Variants in ZSWIM6 observed in about 807,000 individuals in gnomAD.
ZSWIM6 encodes zinc finger SWIM-type containing 6.
ZSWIM6 carries 9 observed loss-of-function variants against 113.2 expected under a neutral mutation model. That is an observed-to-expected ratio of 0.08 (90% CI 0.05 to 0.14). The LOEUF (loss-of-function observed/expected upper bound fraction) is 0.14, where lower values mean the gene tolerates loss of function less well. Ranked by LOEUF, ZSWIM6 falls within the 10% of genes least tolerant of loss-of-function variation. The probability of loss-of-function intolerance (pLI) is 1.00; values close to 1 mark genes in which losing one functional copy is unlikely to be tolerated. For synonymous variants in ZSWIM6, 611 were observed against 606.5 expected (o/e 1.01, Z -0.11); for missense variants, 1,162 against 1,552.2 (o/e 0.75, Z 4.22).
At chr5:61,502,800 C>T (rs1262861328) in intron 4 of ZSWIM6, among the ~76,000 whole-genome samples, 2 of 152,134 alleles carry the variant, frequency 1.3e-5, no homozygotes, top group East Asian at 3.9e-4. Flanking sequence ...TTGTGAGCTG[C>T]ACACATGAGG....
At chr5:61,497,953 A>G (rs1207881783) in intron 4 of ZSWIM6, among the ~76,000 whole-genome samples, 2 of 152,068 alleles carry the variant, frequency 1.3e-5, no homozygotes, top group Non-Finnish European at 2.9e-5. Flanking sequence ...GAGCACACCT[A>G]TTGTTAGCTG....
chr5:61,365,896 A>T (rs1745139135), intron 1 of ZSWIM6, among the ~76,000 whole-genome samples: 1 of 152,076 alleles, frequency 6.6e-6, no homozygotes, highest in Middle Eastern at 3.2e-3. Context: ...AAGCACCTTA[A>T]ACCTCCAAAT....
intron 1 of ZSWIM6, among the ~76,000 whole-genome samples, chr5:61,390,223 T>C (rs1745676824): frequency 6.6e-6 from 1 of 152,238 alleles, no homozygotes; most frequent in Non-Finnish European, 1.5e-5. Context: ...TATTTGTTTT[T>C]TAAAGTTCAT....
rs191988511 is a variant in ZSWIM6, at chr5:61,443,380, C to T, written c.677-29301C>T. ...CACATTCAATTCTGGAATACATACT[C>T]ATAACACACCTATATAAATATAACC... On this transcript the variant is annotated intron_variant, in intron 1 of 13. Coordinates refer to ENST00000252744, the MANE Select transcript of ZSWIM6 (RefSeq NM_020928.2). 3.7e-4 allele frequency among the ~76,000 whole-genome samples: 57 copies of T among 152,294 alleles called. 1 individual carries two copies. Among genetic ancestry groups the T allele is most frequent in the Non-Finnish European group, 5.6e-4 (38 of 68,022 alleles).
chr5:61,439,165 C>G (rs1746772956), intron 1 of ZSWIM6, among the ~76,000 whole-genome samples: 1 of 152,092 alleles, frequency 6.6e-6, no homozygotes, highest in Non-Finnish European at 1.5e-5. Flanking sequence ...TAAAACTAAC[C>G]TTTGGCTATA....
At chr5:61,415,950 A>G (rs1337634282) in intron 1 of ZSWIM6, among the ~76,000 whole-genome samples, 2 of 152,260 alleles carry the variant, frequency 1.3e-5, no homozygotes, top group East Asian at 1.9e-4. Context: ...GTTATTCAAG[A>G]TAAGTTTATC....
intron 5 of ZSWIM6, 118 bp from the exon 6 acceptor site, chr5:61,525,682 G>C: frequency 1.7e-6 from 2 of 1,182,440 alleles, no homozygotes; most frequent in South Asian, 3.0e-5. Context: ...TTCTGCTTAG[G>C]GGGTGCAGGA....
chr5:61,480,176 T>C (rs1296727928), intron 2 of ZSWIM6, among the ~76,000 whole-genome samples: 2 of 152,216 alleles, frequency 1.3e-5, no homozygotes, highest in African/African-American at 2.4e-5. Flanking sequence ...AATGTACAAA[T>C]ACTTTATTGC....
intron 1 of ZSWIM6, among the ~76,000 whole-genome samples, chr5:61,335,669 C>G (rs772848043): frequency 6.6e-6 from 1 of 152,166 alleles, no homozygotes; most frequent in Non-Finnish European, 1.5e-5. Context: ...TACAAGTGTA[C>G]AGAAAGTATT....
At chr5:61,411,655 CA>C (rs1446557663) in intron 1 of ZSWIM6, among the ~76,000 whole-genome samples, 1 of 152,174 alleles carries the variant, frequency 6.6e-6, no homozygotes, top group African/African-American at 2.4e-5. Context: ...CTAAGAAGTC[CA>C]AGATCAAGGT....
At chr5:61,373,983 A>C (rs1745318457) in intron 1 of ZSWIM6, among the ~76,000 whole-genome samples, 1 of 152,200 alleles carries the variant, frequency 6.6e-6, no homozygotes, top group Non-Finnish European at 1.5e-5. Context: ...ATGAACTGTA[A>C]AACATTAATG....
At chr5:61,529,345 G>A (rs1749370970) in intron 7 of ZSWIM6, among the ~76,000 whole-genome samples, 2 of 152,214 alleles carry the variant, frequency 1.3e-5, no homozygotes, top group African/African-American at 2.4e-5. Context: ...TAACTTGAAA[G>A]CATTATATTC....
chr5:61,436,645 A>G (rs535602171), intron 1 of ZSWIM6, among the ~76,000 whole-genome samples: 8 of 152,356 alleles, frequency 5.3e-5, no homozygotes, highest in African/African-American at 1.9e-4. Context: ...ATTACTAAAT[A>G]TTAGGCAATG....
At chr5:61,515,077 C>T (rs775845402) in intron 4 of ZSWIM6, among the ~76,000 whole-genome samples, 3 of 152,102 alleles carry the variant, frequency 2.0e-5, no homozygotes, top group Non-Finnish European at 4.4e-5. Flanking sequence ...CTTGAGTGAG[C>T]TCTGGTAGTT....
In ZSWIM6 at chr5:61,452,355, T is replaced by C. The variant is rs533140181; in HGVS notation, c.677-20326T>C. Among the ~76,000 whole-genome samples, 32 of 152,344 alleles carry C rather than the reference T, an allele frequency of 2.1e-4. 1 individual carries two copies. The South Asian group carries it at 6.2e-3, about 30-fold the overall frequency. On this transcript the variant is annotated intron_variant, in intron 1 of 13. Coordinates refer to ENST00000252744, the MANE Select transcript of ZSWIM6 (RefSeq NM_020928.2). The stretch of plus-strand genomic sequence containing the variant: ...GGTGGATATTTGGGTTACCAGCTTT[T>C]TATTACAAAAATGTTATGAACATTA...
intron 1 of ZSWIM6, among the ~76,000 whole-genome samples, chr5:61,390,150 A>G (rs904103142): frequency 6.6e-6 from 1 of 152,170 alleles, no homozygotes; most frequent in Non-Finnish European, 1.5e-5. Context: ...ACACCTTCGC[A>G]AAAGTATTCA....
At chr5:61,496,236 C>T (rs1748311603) in intron 4 of ZSWIM6, among the ~76,000 whole-genome samples, 1 of 152,084 alleles carries the variant, frequency 6.6e-6, no homozygotes, top group Non-Finnish European at 1.5e-5. Flanking sequence ...CACAACTTCT[C>T]GTCCTGTGTG....
At chr5:61,391,552 G>T in intron 1 of ZSWIM6, 2 of 980,208 alleles carry the variant, frequency 2.0e-6, no homozygotes, top group Non-Finnish European at 3.3e-6. Context: ...GATGTGCTCA[G>T]CGAAGACAGT....
intron 2 of ZSWIM6, among the ~76,000 whole-genome samples, chr5:61,479,105 A>G (rs866558909): frequency 6.6e-6 from 1 of 152,010 alleles, no homozygotes; most frequent in Non-Finnish European, 1.5e-5. Context: ...TGGGAGGCGG[A>G]GACTGCAGTG....
Sources: gnomAD v4.1 joint callset for allele counts (sites outside exome capture counted in the v4.1 genomes callset) on GRCh38, gnomAD v4.1.1 for gene constraint, MANE v1.5 for transcripts, NCBI Gene and HGNC (gene_info 2026-07-23, HGNC 2026-07-21) for gene names.